The following PDE1A variants were observed in gnomAD, a reference collection of about 807,000 sequenced individuals.
The protein encoded by PDE1A is dual specificity calcium/calmodulin-dependent 3',5'-cyclic nucleotide phosphodiesterase 1A.
PDE1A carries 35 observed loss-of-function variants against 61.7 expected under a neutral mutation model. The ratio of observed to expected loss-of-function variants is 0.57; its 90% CI spans 0.43 to 0.75. The LOEUF is 0.75. Ranked by LOEUF, PDE1A falls within the 30% of genes least tolerant of loss-of-function variation. PDE1A has a pLI of 0.00. For missense variants in PDE1A, 597 were observed against 630.6 expected, an observed-to-expected ratio of 0.95 and a Z score of 0.57; for synonymous variants, 232 against 213.2, an observed-to-expected ratio of 1.09 and a Z score of -0.77.
intron 2 of PDE1A, among the ~76,000 whole-genome samples, chr2:182,447,410 G>A (rs1685216293): frequency 6.6e-6 from 1 of 152,016 alleles, no homozygotes; most frequent in Non-Finnish European, 1.5e-5. Context: ...ACTTTCCAGT[G>A]ACCTTCCTGA....
chr2:182,343,198 G>C (rs754973267), intron 1 of PDE1A, among the ~76,000 whole-genome samples: 3 of 152,112 alleles, frequency 2.0e-5, no homozygotes, highest in Non-Finnish European at 4.4e-5. Flanking sequence ...GCAAGGACAC[G>C]GTCAATTCAG....
rs184208811 is a variant in PDE1A at position 182,212,782 on chromosome 2, G to A, written c.777-6717C>T. Among the ~76,000 whole-genome samples, 142 of 152,286 alleles carry A rather than the reference G, an allele frequency of 9.3e-4. 1 individual carries two copies. The East Asian group carries it at 0.013, about 14-fold the overall frequency. ...GAGGGTCCTATGCCCACAGAGTCTC[G>A]CTGATTGCTAGCACAGCAGTCTGAG... On this transcript the variant is annotated intron_variant, in intron 7 of 13. Coordinates refer to ENST00000351439, the Ensembl canonical transcript of PDE1A.
At chr2:182,575,787 A>G in the PDE1A span, among the ~76,000 whole-genome samples, 1 of 146,456 alleles carries the variant, frequency 6.8e-6, no homozygotes, top group South Asian at 2.1e-4. Context: ...ATAATTATTA[A>G]TAATTAGTAT....
At chr2:182,712,781 C>T in the PDE1A span, among the ~76,000 whole-genome samples, 1 of 152,154 alleles carries the variant, frequency 6.6e-6, no homozygotes, top group Non-Finnish European at 1.5e-5. Context: ...TGGTCTCAAT[C>T]TCCTGACCTC....
intron 2 of PDE1A, among the ~76,000 whole-genome samples, chr2:182,507,964 A>G (rs76653155): frequency 0.016 from 2,387 of 152,306 alleles, 40 homozygotes; most frequent in Non-Finnish European, 0.027. Context: ...AAACTATATT[A>G]AGATTATTTT....
rs181320586 is a variant in PDE1A, at chr2:182,229,512, T to A, written c.675+494A>T. Among the ~76,000 whole-genome samples, 201 of 152,258 alleles carry A rather than the reference T, an allele frequency of 1.3e-3. 2 individuals are homozygous for A. Among genetic ancestry groups the A allele is most frequent in the African/African-American group, 4.7e-3 (196 of 41,562 alleles). On this transcript the variant is annotated intron_variant, in intron 6 of 13. Coordinates refer to ENST00000351439, the Ensembl canonical transcript of PDE1A. ...ATCGTTTAGTCACCCATTCACTGAT[T>A]CATCAAATGCAAAGAAGAGGAAGGA... is the stretch of plus-strand genomic sequence containing the variant.
intron 1 of PDE1A, chr2:182,522,560 A>C: frequency 7.1e-7 from 1 of 1,405,634 alleles, no homozygotes; most frequent in Non-Finnish European, 9.3e-7. Flanking sequence ...GCATATATCC[A>C]CTGCTCACCA....
chr2:182,347,560 A>G (rs190445968), intron 1 of PDE1A, among the ~76,000 whole-genome samples: 7 of 152,226 alleles, frequency 4.6e-5, no homozygotes, highest in Non-Finnish European at 1.0e-4. Flanking sequence ...AATCTTTGTT[A>G]ACTGTAGCAT....
chr2:182,429,146 TA>T (rs1456302273), upstream of PDE1A, among the ~76,000 whole-genome samples: 3 of 152,124 alleles, frequency 2.0e-5, no homozygotes, highest in African/African-American at 7.2e-5. Flanking sequence ...TGAGACCCTA[TA>T]AAGCATTCAG....
chr2:182,263,553 C>T (rs1032974645), intron 2 of PDE1A, among the ~76,000 whole-genome samples: 1 of 152,088 alleles, frequency 6.6e-6, no homozygotes, highest in Non-Finnish European at 1.5e-5. Flanking sequence ...AAATGCATGC[C>T]TCTCTCCCCA....
chr2:182,169,513 TC>T (rs1691935612), intron 13 of PDE1A, among the ~76,000 whole-genome samples: 1 of 151,984 alleles, frequency 6.6e-6, no homozygotes, highest in Non-Finnish European at 1.5e-5. Flanking sequence ...TCTATAATAC[TC>T]AATAAGGACC....
the PDE1A span, among the ~76,000 whole-genome samples, chr2:182,550,815 G>A: frequency 1.3e-5 from 2 of 152,154 alleles, no homozygotes; most frequent in African/African-American, 4.8e-5. Context: ...TAGAGAGCAT[G>A]AGAGTCTCCT....
At chr2:182,201,304 G>A (rs1168442004) in intron 10 of PDE1A, 135 bp downstream of exon 10, 3 of 1,100,646 alleles carry the variant, frequency 2.7e-6, no homozygotes, top group South Asian at 1.6e-5. Context: ...AAATTTTGCT[G>A]AAACCCCCAA....
At chr2:182,169,914 A>G (rs201976246) in intron 13 of PDE1A, among the ~76,000 whole-genome samples, 2,380 of 101,636 alleles carry the variant, frequency 0.023, 34 homozygotes, top group South Asian at 0.087. Flanking sequence ...ACACACACAC[A>G]CACACACGCA....
At chr2:182,589,653 A>G in the PDE1A span, among the ~76,000 whole-genome samples, 2 of 152,254 alleles carry the variant, frequency 1.3e-5, no homozygotes, top group African/African-American at 4.8e-5. Flanking sequence ...CTGTCAGGGA[A>G]ACGAGTACAT....
intron 13 of PDE1A, 198 bp downstream of exon 13, chr2:182,185,694 C>T (rs1685141275): frequency 2.0e-6 from 2 of 976,182 alleles, no homozygotes; most frequent in East Asian, 2.8e-5. Flanking sequence ...GCCCATGTGG[C>T]ACAAACAAAC....
chr2:182,161,542 A>G (rs1691381994), intron 13 of PDE1A, among the ~76,000 whole-genome samples: 2 of 152,096 alleles, frequency 1.3e-5, no homozygotes, highest in African/African-American at 2.4e-5. Context: ...CTGCATTGTC[A>G]GAAAAAAGAG....
At chr2:182,185,853 CAGAG>C in intron 13 of PDE1A, 35 bp downstream of exon 13, 1 of 1,612,274 alleles carries the variant, frequency 6.2e-7, no homozygotes, top group Non-Finnish European at 8.5e-7. Context: ...GAAGTGAAGA[CAGAG>C]AGAGATGGCA....
chr2:182,497,322 A>G (rs1376520096), intron 2 of PDE1A, among the ~76,000 whole-genome samples: 2 of 152,218 alleles, frequency 1.3e-5, no homozygotes, highest in East Asian at 3.9e-4. Flanking sequence ...AGCAGAAACA[A>G]GGGTTTCACC....
Sources: allele counts gnomAD v4.1 joint callset (sites outside exome capture counted in the v4.1 genomes callset), GRCh38; gene constraint gnomAD v4.1.1; transcripts MANE v1.5; gene names NCBI Gene and HGNC (gene_info 2026-07-23, HGNC 2026-07-21).